The following NAE1 variants were observed in gnomAD, a reference collection of about 807,000 sequenced individuals.
NAE1 encodes NEDD8 activating enzyme E1 subunit 1.
Under a neutral mutation model 88.0 loss-of-function variants are expected in NAE1, and 59 were observed. The ratio of observed to expected loss-of-function variants is 0.67; its 90% confidence interval spans 0.54 to 0.83. The LOEUF is 0.83. Ranked by LOEUF, NAE1 falls within the 40% of genes least tolerant of loss-of-function variation. The pLI, the probability that NAE1 is intolerant of heterozygous loss-of-function variation, is 0.00. For missense variants in NAE1, 554 were observed against 632.8 expected (o/e 0.88, Z 1.34); for synonymous variants, 186 against 208.9 (o/e 0.89, Z 0.95).
At chr16:66,817,793 TTC>T (rs1156994810) in intron 8 of NAE1, among the ~76,000 whole-genome samples, 1 of 152,178 alleles carries the variant, frequency 6.6e-6, no homozygotes, top group East Asian at 1.9e-4. Context: ...GGAGGATCTT[TTC>T]TGTTTTCTGA....
At chr16:66,828,383 AG>A (rs1960549116) in intron 1 of NAE1, among the ~76,000 whole-genome samples, 1 of 151,370 alleles carries the variant, frequency 6.6e-6, no homozygotes, top group Non-Finnish European at 1.5e-5. Flanking sequence ...CCCAGCTACT[AG>A]GGAGGCTGAG....
rs529668217 is a variant in NAE1 at position 66,807,026 on chromosome 16, C to T, written c.1331-1000G>A. ...CCACGTGAAGAGATACCTGACCAGC[C>T]GCCAGCTATTCCCACTGTTCTGACT... On this transcript the variant is annotated intron_variant, in intron 17 of 19. Transcript: ENST00000290810. Among the ~76,000 whole-genome samples, 12 of 152,214 alleles carry T rather than the reference C, an allele frequency of 7.9e-5. No individual in the cohort carries two copies. The East Asian group carries it at 1.9e-3, about 25-fold the overall frequency.
At chr16:66,811,178 G>A (rs546327508) in intron 13 of NAE1, among the ~76,000 whole-genome samples, 106 of 152,216 alleles carry the variant, frequency 7.0e-4, no homozygotes, top group African/African-American at 2.5e-3. Flanking sequence ...TGTTTTTTGA[G>A]ACAGGATCTC....
At chr16:66,809,110 T>C (rs1254116039) in intron 15 of NAE1, 35 bp from the exon 16 acceptor site, 2 of 1,487,268 alleles carry the variant, frequency 1.3e-6, no homozygotes, top group East Asian at 2.3e-5. Flanking sequence ...AAGTAATGAC[T>C]GTGACTGGTG....
intron 15 of NAE1, among the ~76,000 whole-genome samples, chr16:66,809,655 G>A (rs776758183): frequency 2.0e-5 from 3 of 152,054 alleles, no homozygotes; most frequent in Non-Finnish European, 4.4e-5. Context: ...TAGTCTAATA[G>A]AACAAACAAG....
In NAE1 at chr16:66,827,993, T is replaced by C; in HGVS notation, c.54-1213A>G. 3 of 1,613,514 alleles carry C rather than the reference T, an allele frequency of 1.9e-6. No homozygotes were observed. The Middle Eastern group carries it at 4.9e-4, about 266-fold the overall frequency. The stretch of plus-strand genomic sequence containing the variant: ...AAGCCACTGTACCTGGCTTCATTTG[T>C]TTTTGTTTGCTGAGCATCCATCTTT... On this transcript the variant is annotated intron_variant, in intron 1 of 19. Coordinates refer to ENST00000290810, the MANE Select transcript of NAE1 (RefSeq NM_003905.4).
intron 8 of NAE1, among the ~76,000 whole-genome samples, chr16:66,817,861 T>C (rs1960107998): frequency 6.6e-6 from 1 of 152,200 alleles, no homozygotes; most frequent in African/African-American, 2.4e-5. Flanking sequence ...AAAATACATA[T>C]ACGCCTTATA....
rs1959540155 is a variant in NAE1 at position 66,805,787 on chromosome 16, T to C, written c.1485A>G (p.Ala495=). The C allele has an allele frequency of 6.7e-7, 1 of 1,502,442 alleles. No individual in the cohort carries two copies. The highest frequency in any genetic ancestry group is 2.4e-5 in the East Asian group (1 of 42,320). 93.1% of individuals were successfully genotyped at this position (1,502,442 alleles called of 1,614,324 possible). A position where few individuals can be genotyped will look rare whatever the true frequency, so the allele number is the denominator to read the frequency against. The change falls in exon 19 of 20, where the codon GCA becomes GCG. Residue 495 remains alanine (A), a synonymous_variant. Coordinates refer to ENST00000290810, the MANE Select transcript of NAE1 (RefSeq NM_003905.4). ...YGAAEPHTIA[A]FLGGAAAQEV... is the part of the protein sequence containing the mutation. ...ATATATGGAACTCACCCCCCAAGAA[T>C]GCAGCAATGGTATGTGGCTCAGCAG...
intron 11 of NAE1, among the ~76,000 whole-genome samples, chr16:66,815,582 G>A (rs1483321732): frequency 1.3e-5 from 2 of 151,890 alleles, no homozygotes; most frequent in Non-Finnish European, 2.9e-5. Flanking sequence ...GTCTTGAACT[G>A]GGCTCAAGCA....
intron 17 of NAE1, among the ~76,000 whole-genome samples, chr16:66,807,822 T>G (rs1046445125): frequency 3.3e-5 from 5 of 152,122 alleles, no homozygotes; most frequent in Admixed American, 6.6e-5. Flanking sequence ...CTCCAATGAC[T>G]ACATTTGCTG....
intron 1 of NAE1, among the ~76,000 whole-genome samples, chr16:66,830,246 C>A (rs964794589): frequency 6.6e-6 from 1 of 151,916 alleles, no homozygotes; most frequent in Non-Finnish European, 1.5e-5. Flanking sequence ...GTGGCAAAAA[C>A]CTCGTTTCTA....
At chr16:66,823,871 AC>A (rs988672463) in intron 4 of NAE1, among the ~76,000 whole-genome samples, 36 of 152,316 alleles carry the variant, frequency 2.4e-4, no homozygotes, top group African/African-American at 8.7e-4. Flanking sequence ...AGGTGGGACT[AC>A]AGGCATGTGC....
chr16:66,815,005 T>C (rs1046952761), intron 11 of NAE1, among the ~76,000 whole-genome samples: 9 of 152,190 alleles, frequency 5.9e-5, no homozygotes, highest in Admixed American at 4.6e-4. Flanking sequence ...ACCAGACCTC[T>C]GCGTGTCACT....
intron 1 of NAE1, among the ~76,000 whole-genome samples, chr16:66,830,614 A>T (rs1197364114): frequency 6.6e-6 from 1 of 152,118 alleles, no homozygotes; most frequent in African/African-American, 2.4e-5. Context: ...GGCGCTGGGG[A>T]CCCCGTCCCC....
chr16:66,828,134 AG>A (rs1315902805), intron 1 of NAE1: 3 of 1,274,128 alleles, frequency 2.4e-6, no homozygotes, highest in Non-Finnish European at 2.3e-6. Flanking sequence ...TATGGCACGT[AG>A]AAGACACCTG....
At position 66,821,519 on chromosome 16, in the gene NAE1, T is replaced by A; in HGVS notation, c.442A>T (p.Ile148Phe). 6.2e-7 allele frequency: 1 copy of A among 1,603,142 alleles called. No homozygotes were observed. The highest frequency in any genetic ancestry group is 8.5e-7 in the Non-Finnish European group (1 of 1,176,104). ...TATGTCCTACAGATCAAAAGAGGAA[T>A]CTGGGAATTCCAGAGGACATCTGCT... is the stretch of plus-strand genomic sequence containing the variant. ...RLADVLWNSQIPLLICRTYGL... is the reference protein window; with the variant it reads ...RLADVLWNSQFPLLICRTYGL... The change falls in exon 7 of 20, where the codon ATT becomes TTT. Residue 148 changes from isoleucine to phenylalanine, a missense_variant. By Grantham distance (21) the Ile-to-Phe change is conservative. Coordinates refer to ENST00000290810, the MANE Select transcript of NAE1 (RefSeq NM_003905.4).
chr16:66,806,865 T>C (rs1959587362), intron 17 of NAE1, among the ~76,000 whole-genome samples: 1 of 152,176 alleles, frequency 6.6e-6, no homozygotes, highest in Non-Finnish European at 1.5e-5. Flanking sequence ...CACAGAGAGA[T>C]TAAGTTACTT....
chr16:66,803,143 A>C, intron 19 of NAE1, 25 bp from the exon 20 acceptor site: 3 of 1,461,604 alleles, frequency 2.1e-6, no homozygotes, highest in Non-Finnish European at 2.9e-6. Flanking sequence ...GAGAAAAGCA[A>C]ATCTTTGAAA....
At chr16:66,821,171 G>A (rs1960242216) in intron 7 of NAE1, among the ~76,000 whole-genome samples, 1 of 152,212 alleles carries the variant, frequency 6.6e-6, no homozygotes, top group Admixed American at 6.5e-5. Flanking sequence ...GCCCAATGTG[G>A]GTTAGGGGGC....
Sources: allele counts gnomAD v4.1 joint callset (sites outside exome capture counted in the v4.1 genomes callset), GRCh38; gene constraint gnomAD v4.1.1; transcripts MANE v1.5; gene names NCBI Gene and HGNC (gene_info 2026-07-23, HGNC 2026-07-21).